Variants in CPPED1 observed in about 807,000 individuals in gnomAD.
The protein encoded by CPPED1 is calcineurin like phosphoesterase domain containing 1, also known as serine/threonine-protein phosphatase CPPED1.
CPPED1 carries 28 observed loss-of-function variants against 28.0 expected under a neutral mutation model. The ratio of observed to expected loss-of-function variants is 1.00; its 90% CI spans 0.74 to 1.37. The LOEUF (loss-of-function observed/expected upper bound fraction) is 1.37. CPPED1 is among the 40% of genes most tolerant of loss of function. CPPED1 has a pLI of 0.00. For missense variants in CPPED1, 504 were observed against 416.5 expected, an observed-to-expected ratio of 1.21 and a Z score of -1.83; for synonymous variants, 198 against 180.2, an observed-to-expected ratio of 1.10 and a Z score of -0.79.
At chr16:12,716,512 G>GA (rs1231579049) in intron 2 of CPPED1, among the ~76,000 whole-genome samples, 4 of 152,350 alleles carry the variant, frequency 2.6e-5, no homozygotes, top group Admixed American at 2.0e-4. Context: ...TATTTAGAAT[G>GA]ACTGCCTTTT....
chr16:12,683,099 G>T (rs2079914224), intron 3 of CPPED1, among the ~76,000 whole-genome samples: 1 of 152,200 alleles, frequency 6.6e-6, no homozygotes, highest in African/African-American at 2.4e-5. Context: ...TAGGGAGAAA[G>T]TGCCCTGCCT....
intron 2 of CPPED1, among the ~76,000 whole-genome samples, chr16:12,778,317 C>T (rs1393252972): frequency 1.4e-5 from 2 of 141,898 alleles, no homozygotes; most frequent in African/African-American, 5.2e-5. Flanking sequence ...CGCTCTGCTG[C>T]CCAGGCTGGA....
At chr16:12,727,438 G>A (rs2080176009) in intron 2 of CPPED1, among the ~76,000 whole-genome samples, 1 of 152,138 alleles carries the variant, frequency 6.6e-6, no homozygotes, top group African/African-American at 2.4e-5. Flanking sequence ...CTACAGACTC[G>A]ACCTCCTGGG....
chr16:12,679,480 T>G (rs2079894216), intron 3 of CPPED1, among the ~76,000 whole-genome samples: 1 of 152,220 alleles, frequency 6.6e-6, no homozygotes, highest in Non-Finnish European at 1.5e-5. Context: ...ATTCCTGTTT[T>G]AGGAGTTTAG....
At chr16:12,711,113 C>A (rs150772256) in intron 2 of CPPED1, among the ~76,000 whole-genome samples, 1 of 152,114 alleles carries the variant, frequency 6.6e-6, no homozygotes, top group Non-Finnish European at 1.5e-5. Flanking sequence ...AATGGATAAG[C>A]GAACTGTGGT....
chr16:12,681,419 C>A (rs147257816), intron 3 of CPPED1, among the ~76,000 whole-genome samples: 1 of 152,134 alleles, frequency 6.6e-6, no homozygotes, highest in African/African-American at 2.4e-5. Context: ...GACTTCCCAA[C>A]CCCCAGAACT....
At chr16:12,697,153 T>A (rs1035165998) in intron 3 of CPPED1, among the ~76,000 whole-genome samples, 1 of 152,114 alleles carries the variant, frequency 6.6e-6, no homozygotes, top group African/African-American at 2.4e-5. Context: ...GCCTCCCAAG[T>A]AGCTAGGACT....
In CPPED1 at chr16:12,669,331, G is replaced by A. The variant is rs139110899; in HGVS notation, c.716-4216C>T. Among the ~76,000 whole-genome samples, 105 of 152,278 alleles carry A rather than the reference G, an allele frequency of 6.9e-4. 1 individual carries two copies. The East Asian group carries it at 0.014, about 20-fold the overall frequency. On this transcript the variant is annotated intron_variant, in intron 3 of 3. Coordinates refer to ENST00000381774, the MANE Select transcript of CPPED1 (RefSeq NM_018340.3). ...GTTGCTAGGGGCTGAGGGAAGGGTG[G>A]AACGGGAGAGTGACTGCTGACAGGT... is the stretch of plus-strand genomic sequence containing the variant.
intron 1 of CPPED1, among the ~76,000 whole-genome samples, chr16:12,789,515 A>G (rs1023031904): frequency 6.6e-6 from 1 of 152,136 alleles, no homozygotes; most frequent in African/African-American, 2.4e-5. Flanking sequence ...AAAAAAGAAA[A>G]ATAAGCTAAT....
At chr16:12,752,871 AATATAAT>A (rs2080339187) in intron 2 of CPPED1, 1 of 146,878 alleles carries the variant, frequency 6.8e-6, no homozygotes, top group African/African-American at 2.5e-5. Context: ...ACTATTTATT[AATATAAT>A]ATATAATTAC....
chr16:12,786,333 G>A (rs754000652), intron 1 of CPPED1, among the ~76,000 whole-genome samples: 6 of 152,220 alleles, frequency 3.9e-5, no homozygotes, highest in African/African-American at 7.2e-5. Context: ...AACTAACCAA[G>A]GAACTCGAGT....
At chr16:12,711,938 G>A (rs538298087) in intron 2 of CPPED1, among the ~76,000 whole-genome samples, 2 of 152,272 alleles carry the variant, frequency 1.3e-5, no homozygotes, top group African/African-American at 4.8e-5. Flanking sequence ...AGAGACAGGG[G>A]AGGAGGGAGG....
rs2079907540 is a variant in CPPED1 at position 12,682,011 on chromosome 16, C to T, written c.716-16896G>A. Among the ~76,000 whole-genome samples the T allele has an allele frequency of 6.6e-6, 1 of 152,076 alleles. No individual in the cohort carries two copies. The highest frequency in any genetic ancestry group is 2.4e-5 in the African/African-American group (1 of 41,400). ...ATCCTGGACTCGAGGATTAGTTATGCTCCTCCAACCCCCAGACTCACTGCC... is the reference window on the plus strand; with the variant it reads ...ATCCTGGACTCGAGGATTAGTTATGTTCCTCCAACCCCCAGACTCACTGCC... On this transcript the variant is annotated intron_variant, in intron 3 of 3. Transcript: ENST00000381774. This position sits in a 1 kb window ranked among gnomAD's most constrained non-coding sequence, Gnocchi z 6.1.
At chr16:12,733,936 G>A (rs116781021) in intron 2 of CPPED1, among the ~76,000 whole-genome samples, 27 of 151,174 alleles carry the variant, frequency 1.8e-4, no homozygotes, top group Admixed American at 4.6e-4. Context: ...TCATAACCTC[G>A]TTTTTGCTTC....
chr16:12,702,593 G>A (rs2080026261), intron 3 of CPPED1, among the ~76,000 whole-genome samples: 1 of 151,854 alleles, frequency 6.6e-6, no homozygotes, highest in Admixed American at 6.6e-5. Context: ...TCAGTATCTG[G>A]GGGTGCTCTG....
At chr16:12,705,474 T>G (rs914679265) in intron 2 of CPPED1, among the ~76,000 whole-genome samples, 1 of 151,966 alleles carries the variant, frequency 6.6e-6, no homozygotes, top group East Asian at 1.9e-4. Context: ...AAAAGAAAAT[T>G]AGGCTGGGCG....
chr16:12,787,102 C>G lies in CPPED1; in HGVS notation c.71-5699G>C, dbSNP rs116051292. 2.0e-3 allele frequency among the ~76,000 whole-genome samples: 308 copies of G among 152,216 alleles called. 1 individual carries two copies. Among genetic ancestry groups the G allele is most frequent in the African/African-American group, 7.1e-3 (294 of 41,520 alleles). ...CAACAGAGAAGTCTGTATTTTTCTT[C>G]CCAAATTGACTTAAAAAAATTAACC... On this transcript the variant is annotated intron_variant, in intron 1 of 3. Transcript: ENST00000381774.
intron 2 of CPPED1, among the ~76,000 whole-genome samples, chr16:12,726,269 T>C (rs2080169336): frequency 6.6e-6 from 1 of 150,984 alleles, no homozygotes; most frequent in African/African-American, 2.4e-5. Flanking sequence ...CTTGAACTCC[T>C]GACCTCGTGA....
chr16:12,786,856 G>A (rs1356875715), intron 1 of CPPED1, among the ~76,000 whole-genome samples: 1 of 152,184 alleles, frequency 6.6e-6, no homozygotes, highest in Non-Finnish European at 1.5e-5. Context: ...AGGTTGCAGT[G>A]AGCCGAGATC....
Sources: allele counts gnomAD v4.1 joint callset (sites outside exome capture counted in the v4.1 genomes callset), GRCh38; gene constraint gnomAD v4.1.1; non-coding constraint Gnocchi (gnomAD v3.1); transcripts MANE v1.5; gene names NCBI Gene and HGNC (gene_info 2026-07-23, HGNC 2026-07-21).